DAPK3: variants seen among roughly 807,000 people sequenced by gnomAD.
DAPK3 encodes the protein death-associated protein kinase 3.
In DAPK3, 24 loss-of-function variants were observed where a neutral mutation model predicts 30.6. That is an observed-to-expected ratio of 0.78 (90% confidence interval 0.57 to 1.10). The LOEUF is 1.10. Ranked by LOEUF, DAPK3 falls within the 50% of genes least tolerant of loss-of-function variation. DAPK3 has a pLI of 0.00. For missense variants in DAPK3, 629 were observed against 657.3 expected (o/e 0.96, Z 0.47); for synonymous variants, 341 against 284.0 (o/e 1.20, Z -2.02).
At chr19:3,959,801 A>C in intron 8 of DAPK3, 164 bp from the exon 9 acceptor site, 1 of 828,006 alleles carries the variant, frequency 1.2e-6, no homozygotes, top group Non-Finnish European at 1.8e-6. Context: ...TGCTCTCTCG[A>C]GAAAAACGCT....
At position 3,958,608 on chromosome 19, in the gene DAPK3, C is replaced by T. The variant is rs1052921172; in HGVS notation, c.*493G>A. Reference sequence around the variant, plus strand: ...GCGAGAAGGGCACACAGTGGAAGACCCCACCAAGCCCGGCGCCACCCAGCA... The same window carrying T: ...GCGAGAAGGGCACACAGTGGAAGACTCCACCAAGCCCGGCGCCACCCAGCA... On this transcript the variant is annotated 3_prime_UTR_variant, in exon 9 of 9. Coordinates refer to ENST00000545797, the MANE Select transcript of DAPK3 (RefSeq NM_001348.3). 7.1e-6 allele frequency: 3 copies of T among 423,380 alleles called. No homozygotes were observed. Among genetic ancestry groups the T allele is most frequent in the Non-Finnish European group, 9.5e-6 (2 of 211,174 alleles). 26.2% of individuals were successfully genotyped at this position (423,380 alleles called of 1,614,324 possible). A position where few individuals can be genotyped will look rare whatever the true frequency, so the allele number is the denominator to read the frequency against.
chr19:3,961,208 C>T (rs765069182), intron 6 of DAPK3, 47 bp from the exon 7 acceptor site: 116 of 1,530,016 alleles, frequency 7.6e-5, no homozygotes, highest in Admixed American at 1.4e-4. Context: ...GCTCCCACCA[C>T]GGCCGCGCCG....
chr19:3,964,979 C>CGCAAACTG lies in DAPK3; in HGVS notation c.67_74dup (p.Ile26SerfsTer34). 1 of 1,599,870 alleles carries CGCAAACTG rather than the reference C, an allele frequency of 6.3e-7. No individual in the cohort carries two copies. The highest frequency in any genetic ancestry group is 8.5e-7 in the Non-Finnish European group (1 of 1,170,440). On this transcript the variant is annotated frameshift_variant, in exon 3 of 9. Coordinates refer to ENST00000545797, the MANE Select transcript of DAPK3 (RefSeq NM_001348.3). LOFTEE classifies it high-confidence loss of function. ...CCTTCTGCCGGCACTTCCGCACGAT[C>CGCAAACTG]GCAAACTGGCCGCTGGAGGAGGGGG...
At chr19:3,961,534 G>A (rs760115532) in intron 6 of DAPK3, 12 of 503,212 alleles carry the variant, frequency 2.4e-5, no homozygotes, top group South Asian at 1.3e-4. Flanking sequence ...TCAACAGCCC[G>A]GCAGTGAGAG....
intron 5 of DAPK3, 100 bp downstream of exon 5, chr19:3,963,771 T>C (rs1237966067): frequency 1.6e-6 from 2 of 1,245,254 alleles, no homozygotes; most frequent in Non-Finnish European, 2.3e-6. Flanking sequence ...GGTCCCCCCA[T>C]ACCCCAACAG....
Position 3,964,752 on chromosome 19 carries a change from A to G in DAPK3, c.302T>C (p.Leu101Pro). The change falls in exon 3 of 9, where the codon CTC becomes CCC. Residue 101 changes from leucine to proline, a missense_variant. Transcript: ENST00000545797. The stretch of plus-strand genomic sequence containing the variant: ...CTCCTTCTCCGCCAGGAAGTCAAAG[A>G]GCTCCCCGCCAGAGACCAGCTCCAG... Reference protein sequence around the residue: ...LILELVSGGELFDFLAEKESL... With the variant: ...LILELVSGGEPFDFLAEKESL... The G allele has an allele frequency of 6.2e-7, 1 of 1,612,112 alleles. No individual in the cohort carries two copies. Among genetic ancestry groups the G allele is most frequent in the South Asian group, 1.1e-5 (1 of 91,026 alleles).
At chr19:3,962,233 G>A (rs553068150) in intron 6 of DAPK3, among the ~76,000 whole-genome samples, 6 of 152,368 alleles carry the variant, frequency 3.9e-5, no homozygotes, top group African/African-American at 1.2e-4. Flanking sequence ...CATGAAAAAT[G>A]TAAACTGAAG....
chr19:3,958,491 G>A lies in DAPK3; in HGVS notation c.*610C>T, dbSNP rs1453951473. The A allele has an allele frequency of 6.6e-6, 3 of 456,576 alleles. No homozygotes were observed. The highest frequency in any genetic ancestry group is 6.9e-5 in the East Asian group (1 of 14,400). The allele number at this position is 456,576 out of a possible 1,614,324, so 28.3% of individuals were successfully genotyped here. ...GTATTTTATTTCTCTTGGCTGCAGAGGGCCGCTCTTGCCTAGGCGTCCACA... is the reference window on the plus strand; with the variant it reads ...GTATTTTATTTCTCTTGGCTGCAGAAGGCCGCTCTTGCCTAGGCGTCCACA... On this transcript the variant is annotated 3_prime_UTR_variant, in exon 9 of 9. Transcript: ENST00000545797.
Position 3,964,867 on chromosome 19 carries a change from G to A in DAPK3, c.187C>T (p.Arg63Trp). The A allele has an allele frequency of 1.9e-6, 3 of 1,611,606 alleles. No homozygotes were observed. Among genetic ancestry groups the A allele is most frequent in the Admixed American group, 1.7e-5 (1 of 59,980 alleles). Residue 63 changes from arginine (R) to tryptophan (W), a missense_variant, in exon 3 of 9, where the codon CGG becomes TGG. Arg to Trp is a moderately radical substitution (Grantham distance 101). This residue lies in a region of DAPK3 where 306 missense variants were observed against 378.5 expected (regional missense o/e 0.81). Transcript: ENST00000545797. ...ATCTCCCGCAGGATGTTCACCTCCC[G>A]CTCGATCTCCTCCCGGCTCACCCCA... ...RRGVSREEIE[R>W]EVNILREIRH...
At chr19:3,963,763 TC>T in intron 5 of DAPK3, 94 bp from the exon 6 acceptor site, 5 of 1,254,578 alleles carry the variant, frequency 4.0e-6, no homozygotes, top group Non-Finnish European at 5.6e-6. Flanking sequence ...AGGGCAACGG[TC>T]CCCCCATACC....
chr19:3,969,676 G>T lies in DAPK3; in HGVS notation c.60C>A (p.Gly20=), dbSNP rs774908803. 2 of 1,606,252 alleles carry T rather than the reference G, an allele frequency of 1.2e-6. No individual in the cohort carries two copies. Among genetic ancestry groups the T allele is most frequent in the Non-Finnish European group, 1.7e-6 (2 of 1,173,824 alleles). The change falls in exon 2 of 9, where the codon GGC becomes GGA. Residue 20 remains glycine (G), a splice_region_variant and synonymous_variant. Transcript: ENST00000545797. ...AGCCGTGCGGGCAGACAGCTCACCT[G>T]CCCAGCTCCTCCCCCATCTCATAAT... ...EDHYEMGEEL[G]SGQFAIVRKC...
chr19:3,961,406 G>T, intron 6 of DAPK3: 2 of 652,004 alleles, frequency 3.1e-6, no homozygotes, highest in Non-Finnish European at 5.9e-6. Flanking sequence ...AAGTCTCCTT[G>T]GAGACTCGAA....
chr19:3,969,792 C>G lies in DAPK3; in HGVS notation c.-57G>C. 1.5e-6 allele frequency: 2 copies of G among 1,324,988 alleles called. No homozygotes were observed. Among genetic ancestry groups the G allele is most frequent in the African/African-American group, 1.4e-5 (1 of 69,560 alleles). The allele number at this position is 1,324,988 out of a possible 1,614,324, so 82.1% of individuals were successfully genotyped here. A position where few individuals can be genotyped will look rare whatever the true frequency, so the allele number is the denominator to read the frequency against. On this transcript the variant is annotated 5_prime_UTR_variant, in exon 2 of 9. Transcript: ENST00000545797. The stretch of plus-strand genomic sequence containing the variant: ...TCCAGGGAAAGTGCAGTCACCGCAG[C>G]CTGGAGATAGGACCTCAGGAGTCCC...
rs2039479457 is a variant in DAPK3, at chr19:3,959,482, C to T, written c.984G>A (p.Val328=). 2 of 1,552,330 alleles carry T rather than the reference C, an allele frequency of 1.3e-6. No homozygotes were observed. The highest frequency in any genetic ancestry group is 1.9e-5 in the Admixed American group (1 of 52,640). ...CCTCGGCGGCCGCCGCCTCCTCCAG[C>T]ACCTTGGAGAAGCGCTCGAAGTCGG... ...SYADFERFSK[V]LEEAAAAEEG... Residue 328 remains valine (V), a synonymous_variant, in exon 9 of 9, where the codon GTG becomes GTA. Coordinates refer to ENST00000545797, the MANE Select transcript of DAPK3 (RefSeq NM_001348.3).
At chr19:3,963,059 C>T (rs907313176) in intron 6 of DAPK3, among the ~76,000 whole-genome samples, 9 of 151,198 alleles carry the variant, frequency 6.0e-5, no homozygotes, top group African/African-American at 1.5e-4. Flanking sequence ...CAGCTGAGAT[C>T]GCACCACTGC....
At position 3,958,996 on chromosome 19, in the gene DAPK3, G is replaced by A; in HGVS notation, c.*105C>T. On this transcript the variant is annotated 3_prime_UTR_variant, in exon 9 of 9. Transcript: ENST00000545797. ...CTCCGCCTCCAGCCTGGTGGCGCTG[G>A]GCAAGGACAGGCACCCGGGCGATGG... is the stretch of plus-strand genomic sequence containing the variant. 1.4e-6 allele frequency: 1 copy of A among 734,208 alleles called. No individual in the cohort carries two copies. The allele number at this position is 734,208 out of a possible 1,614,324, so 45.5% of individuals were successfully genotyped here. A position where few individuals can be genotyped will look rare whatever the true frequency, so the allele number is the denominator to read the frequency against.
At chr19:3,969,414 C>G (rs2039612415) in intron 2 of DAPK3, among the ~76,000 whole-genome samples, 1 of 152,130 alleles carries the variant, frequency 6.6e-6, no homozygotes, top group Non-Finnish European at 1.5e-5. Flanking sequence ...TCTGGTGCCC[C>G]ATGCCAGGCA....
intron 1 of DAPK3, among the ~76,000 whole-genome samples, chr19:3,970,403 T>C (rs2039621427): frequency 6.6e-6 from 1 of 151,990 alleles, no homozygotes; most frequent in Non-Finnish European, 1.5e-5. Context: ...GCCATTCCGA[T>C]CAAAATTCCC....
At chr19:3,963,994 G>T in intron 4 of DAPK3, 75 bp from the exon 5 acceptor site, 2 of 1,022,946 alleles carry the variant, frequency 2.0e-6, no homozygotes, top group Non-Finnish European at 3.0e-6. Context: ...ACAGGCATGG[G>T]GTCAAGGTTC....
Sources: allele counts gnomAD v4.1 joint callset (sites outside exome capture counted in the v4.1 genomes callset), GRCh38; gene constraint gnomAD v4.1.1; regional missense constraint gnomAD v4.1.1; transcripts MANE v1.5; gene names NCBI Gene and HGNC (gene_info 2026-07-23, HGNC 2026-07-21).